Variants in CDKAL1 observed in about 807,000 individuals in gnomAD.
CDKAL1 encodes threonylcarbamoyladenosine tRNA methylthiotransferase.
Under a neutral mutation model 68.2 loss-of-function variants are expected in CDKAL1, and 32 were observed. The ratio of observed to expected loss-of-function variants is 0.47; its 90% CI spans 0.35 to 0.63. The LOEUF (loss-of-function observed/expected upper bound fraction) is 0.63, where lower values mean the gene tolerates loss of function less well. Ranked by LOEUF, CDKAL1 falls within the 30% of genes least tolerant of loss-of-function variation. The pLI, the probability that CDKAL1 is intolerant of heterozygous loss-of-function variation, is 0.00. For missense variants in CDKAL1, 606 were observed against 696.7 expected (o/e 0.87, Z 1.47); for synonymous variants, 234 against 244.3 (o/e 0.96, Z 0.39).
At chr6:20,807,690 G>C (rs892224021) in intron 8 of CDKAL1, among the ~76,000 whole-genome samples, 1 of 152,120 alleles carries the variant, frequency 6.6e-6, no homozygotes, top group South Asian at 2.1e-4. Flanking sequence ...ACATATTACT[G>C]TAAAGTCATT....
At chr6:21,013,758 G>T (rs981071354) in intron 11 of CDKAL1, among the ~76,000 whole-genome samples, 1 of 152,160 alleles carries the variant, frequency 6.6e-6, no homozygotes, top group Non-Finnish European at 1.5e-5. Context: ...CCCAAAATGT[G>T]ACAAACGAGT....
intron 9 of CDKAL1, among the ~76,000 whole-genome samples, chr6:20,888,806 C>T (rs995922220): frequency 1.6e-4 from 25 of 152,156 alleles, no homozygotes; most frequent in African/African-American, 5.3e-4. Flanking sequence ...GTCTTTGCTA[C>T]TGTGAATAGT....
At chr6:20,918,986 A>G (rs1203837814) in intron 9 of CDKAL1, among the ~76,000 whole-genome samples, 2 of 152,244 alleles carry the variant, frequency 1.3e-5, no homozygotes. Flanking sequence ...TTCTCACTAC[A>G]GAAGAGGTTC....
At chr6:20,581,421 G>A (rs973713049) in intron 4 of CDKAL1, among the ~76,000 whole-genome samples, 15 of 152,142 alleles carry the variant, frequency 9.9e-5, no homozygotes, top group African/African-American at 3.1e-4. Flanking sequence ...TTCTTACAAA[G>A]TGTTCATCCT....
chr6:20,810,394 A>T (rs201934030), intron 8 of CDKAL1, among the ~76,000 whole-genome samples: 200 of 1,642 alleles, frequency 0.12, 2 homozygotes, highest in East Asian at 0.46. Flanking sequence ...TCTCTCTGTC[A>T]CACACACACA....
Position 21,010,692 on chromosome 6 carries a change from G to GA in CDKAL1, c.1055+10324dup, listed in dbSNP as rs538704763. ...TTCTAGTCGACTTTGCAGTAATATC[G>GA]AAAAGGTGCCCTAATTAAGTCCTCA... On this transcript the variant is annotated intron_variant, in intron 11 of 15. Transcript: ENST00000274695. Among the ~76,000 whole-genome samples, 423 of 152,246 alleles carry GA rather than the reference G, an allele frequency of 2.8e-3. 3 individuals carry two copies. The highest frequency in any genetic ancestry group is 9.7e-3 in the African/African-American group (404 of 41,540).
In CDKAL1 at chr6:20,923,632, A is replaced by C. The variant is rs560043903; in HGVS notation, c.743-31787A>C. On this transcript the variant is annotated intron_variant, in intron 9 of 15. Coordinates refer to ENST00000274695, the MANE Select transcript of CDKAL1 (RefSeq NM_017774.3). ...CCAGCCTCCCTATTGCCTGACTCAC[A>C]ACAATATTGACATTGACTTAGAGGC... is the stretch of plus-strand genomic sequence containing the variant. Among the ~76,000 whole-genome samples, 17 of 152,248 alleles carry C rather than the reference A, an allele frequency of 1.1e-4. No individual in the cohort carries two copies. The South Asian group carries it at 3.5e-3, about 32-fold the overall frequency.
At chr6:21,010,406 C>T (rs1266365490) in intron 11 of CDKAL1, among the ~76,000 whole-genome samples, 1 of 152,076 alleles carries the variant, frequency 6.6e-6, no homozygotes, top group Non-Finnish European at 1.5e-5. Context: ...TTCTTAAAGC[C>T]AAGTATATTA....
At chr6:20,921,200 G>A (rs1388361852) in intron 9 of CDKAL1, among the ~76,000 whole-genome samples, 2 of 152,188 alleles carry the variant, frequency 1.3e-5, no homozygotes, top group African/African-American at 2.4e-5. Flanking sequence ...GGAGGCCGAG[G>A]TGGGCGGATC....
intron 10 of CDKAL1, among the ~76,000 whole-genome samples, chr6:20,956,322 A>C (rs1764774283): frequency 6.6e-6 from 1 of 152,218 alleles, no homozygotes; most frequent in Admixed American, 6.5e-5. Context: ...AAACTAGGCA[A>C]ATGGGCATAT....
chr6:20,781,289 A>G (rs1211181197), intron 8 of CDKAL1, 24 bp downstream of exon 8: 1 of 1,590,770 alleles, frequency 6.3e-7, no homozygotes, highest in Non-Finnish European at 8.6e-7. Context: ...AAACTTGCTC[A>G]TAAAATATTC....
chr6:20,943,800 G>A (rs781728217), intron 9 of CDKAL1, among the ~76,000 whole-genome samples: 35 of 150,146 alleles, frequency 2.3e-4, no homozygotes, highest in Non-Finnish European at 4.4e-4. Flanking sequence ...TTCCCTCCTG[G>A]TCATAACCAC....
At chr6:20,984,309 C>T (rs934917960) in intron 10 of CDKAL1, among the ~76,000 whole-genome samples, 1 of 152,122 alleles carries the variant, frequency 6.6e-6, no homozygotes, top group African/African-American at 2.4e-5. Flanking sequence ...TGTTCCACAG[C>T]TCATGGGTGG....
chr6:20,697,367 C>T (rs1771151946), intron 5 of CDKAL1, among the ~76,000 whole-genome samples: 1 of 151,974 alleles, frequency 6.6e-6, no homozygotes, highest in Non-Finnish European at 1.5e-5. Flanking sequence ...AATTGTATCT[C>T]CTACTAGTTA....
At chr6:21,058,702 G>A (rs1043727328) in intron 11 of CDKAL1, among the ~76,000 whole-genome samples, 4 of 152,228 alleles carry the variant, frequency 2.6e-5, no homozygotes, top group Admixed American at 2.6e-4. Context: ...TTGCAAGGCA[G>A]GCCTGGTGGT....
At chr6:21,183,967 T>TG (rs1777903742) in intron 13 of CDKAL1, among the ~76,000 whole-genome samples, 1 of 152,204 alleles carries the variant, frequency 6.6e-6, no homozygotes, top group East Asian at 1.9e-4. Context: ...AAGCAGGGAC[T>TG]GGGGGTTGGA....
At chr6:20,690,819 T>A (rs1183657716) in intron 5 of CDKAL1, among the ~76,000 whole-genome samples, 1 of 152,156 alleles carries the variant, frequency 6.6e-6, no homozygotes, top group Admixed American at 6.5e-5. Context: ...AACTTTCAGA[T>A]CTTGAGAGCG....
intron 15 of CDKAL1, among the ~76,000 whole-genome samples, chr6:21,202,664 G>C (rs1046329451): frequency 2.0e-5 from 3 of 152,136 alleles, no homozygotes; most frequent in African/African-American, 7.2e-5. Context: ...GACTCTGCCT[G>C]GTTTAATTCC....
chr6:20,945,633 C>T (rs1338332048), intron 9 of CDKAL1, among the ~76,000 whole-genome samples: 1 of 152,062 alleles, frequency 6.6e-6, no homozygotes. Context: ...GGTTTGTTTG[C>T]TGGATTTCAA....
Sources: allele counts gnomAD v4.1 joint callset (sites outside exome capture counted in the v4.1 genomes callset), GRCh38; gene constraint gnomAD v4.1.1; transcripts MANE v1.5; gene names NCBI Gene and HGNC (gene_info 2026-07-23, HGNC 2026-07-21).